Variants in LRMDA observed in about 807,000 individuals in gnomAD.
LRMDA encodes the protein leucine rich melanocyte differentiation associated.
In LRMDA, 18 loss-of-function variants were observed where a neutral mutation model predicts 29.8. That is an observed-to-expected ratio of 0.60 (90% CI 0.42 to 0.90). LRMDA has a LOEUF of 0.90. LRMDA is among the 40% of genes least tolerant of loss of function. The pLI, the probability that LRMDA is intolerant of heterozygous loss-of-function variation, is 0.00. For synonymous variants in LRMDA, 125 were observed against 109.4 expected (o/e 1.14, Z -0.89); for missense variants, 273 against 273.9 (o/e 1.00, Z 0.02).
intron 5 of LRMDA, among the ~76,000 whole-genome samples, chr10:76,297,399 A>G (rs1014064740): frequency 6.6e-6 from 1 of 152,232 alleles, no homozygotes; most frequent in African/African-American, 2.4e-5. Context: ...GTAAAGGCCT[A>G]GATTCCGCAA....
chr10:76,013,662 G>A (rs1847824652), intron 2 of LRMDA, among the ~76,000 whole-genome samples: 1 of 151,970 alleles, frequency 6.6e-6, no homozygotes, highest in Admixed American at 6.6e-5. Context: ...AGTAGGGCAG[G>A]GACAGAGGGA....
At chr10:75,821,572 A>G (rs958417079) in intron 2 of LRMDA, among the ~76,000 whole-genome samples, 5 of 152,148 alleles carry the variant, frequency 3.3e-5, no homozygotes, top group African/African-American at 9.7e-5. Flanking sequence ...GATTGAGACC[A>G]TCCTGGCTAA....
At chr10:75,708,434 C>T (rs987911642) in intron 2 of LRMDA, among the ~76,000 whole-genome samples, 3 of 152,038 alleles carry the variant, frequency 2.0e-5, no homozygotes, top group Non-Finnish European at 2.9e-5. Context: ...CACCATTTTC[C>T]GGGTTTGTGG....
At chr10:75,952,502 T>C (rs1846593696) in intron 2 of LRMDA, among the ~76,000 whole-genome samples, 2 of 152,124 alleles carry the variant, frequency 1.3e-5, no homozygotes, top group African/African-American at 4.8e-5. Context: ...TCCCACTCTC[T>C]CTCTCTCTGA....
At chr10:75,526,071 C>G (rs1448173136) in intron 2 of LRMDA, among the ~76,000 whole-genome samples, 1 of 150,938 alleles carries the variant, frequency 6.6e-6, no homozygotes, top group East Asian at 1.9e-4. Context: ...TTATTATTTT[C>G]ATTTCTTTTT....
chr10:76,222,168 A>G (rs1318709265), intron 5 of LRMDA, among the ~76,000 whole-genome samples: 3 of 152,152 alleles, frequency 2.0e-5, no homozygotes, highest in East Asian at 1.9e-4. Context: ...TAAAAACCCT[A>G]GAAGAAAACC....
At chr10:76,350,148 C>T (rs1841157118) in intron 6 of LRMDA, among the ~76,000 whole-genome samples, 1 of 149,126 alleles carries the variant, frequency 6.7e-6, no homozygotes, top group Non-Finnish European at 1.5e-5. Context: ...ACTCAAAATG[C>T]AGGTAGGTGG....
intron 5 of LRMDA, among the ~76,000 whole-genome samples, chr10:76,071,928 G>A (rs1848882041): frequency 6.6e-6 from 1 of 152,106 alleles, no homozygotes; most frequent in South Asian, 2.1e-4. Flanking sequence ...TAATAAAATA[G>A]CATTAAGTTT....
chr10:76,410,107 A>C (rs1201339986), intron 6 of LRMDA, among the ~76,000 whole-genome samples: 1 of 151,978 alleles, frequency 6.6e-6, no homozygotes, highest in Admixed American at 6.6e-5. Context: ...AGAGGCATGG[A>C]ATGTTGAAGG....
At chr10:76,059,399 T>C (rs1848668718) in intron 5 of LRMDA, among the ~76,000 whole-genome samples, 1 of 152,224 alleles carries the variant, frequency 6.6e-6, no homozygotes, top group African/African-American at 2.4e-5. Context: ...ATGGCAGCTC[T>C]GATGAGGCAG....
chr10:75,487,786 C>T (rs867367956), intron 2 of LRMDA, among the ~76,000 whole-genome samples: 4 of 152,272 alleles, frequency 2.6e-5, no homozygotes, highest in South Asian at 2.1e-4. Flanking sequence ...TTTGCAGGGT[C>T]GGCCAAGCTC....
intron 2 of LRMDA, among the ~76,000 whole-genome samples, chr10:75,875,753 G>A (rs1403589082): frequency 6.6e-6 from 1 of 152,234 alleles, no homozygotes; most frequent in Non-Finnish European, 1.5e-5. Flanking sequence ...TTTAAAGAAA[G>A]AGAAAGGTCT....
chr10:76,403,688 G>A (rs1443557020), intron 6 of LRMDA, among the ~76,000 whole-genome samples: 1 of 152,132 alleles, frequency 6.6e-6, no homozygotes, highest in Non-Finnish European at 1.5e-5. Context: ...TCAGCTTGCT[G>A]TCAGCCAAGT....
chr10:76,192,330 C>T (rs905878348), intron 5 of LRMDA, among the ~76,000 whole-genome samples: 5 of 152,070 alleles, frequency 3.3e-5, no homozygotes, highest in Non-Finnish European at 7.4e-5. Context: ...GCAGATTGTC[C>T]CAACTGTCCA....
At chr10:76,501,163 G>A (rs537110683) in intron 6 of LRMDA, among the ~76,000 whole-genome samples, 1 of 33,784 alleles carries the variant, frequency 3.0e-5, no homozygotes, top group East Asian at 4.3e-4. Flanking sequence ...ATTTTGTTTA[G>A]GATTAGCCTG....
intron 2 of LRMDA, among the ~76,000 whole-genome samples, chr10:75,660,490 G>C (rs567741291): frequency 6.6e-6 from 1 of 152,144 alleles, no homozygotes; most frequent in Non-Finnish European, 1.5e-5. Context: ...ATCACAGGAC[G>C]GGGGGAGAAG....
chr10:75,582,919 A>C (rs918210434), intron 2 of LRMDA, among the ~76,000 whole-genome samples: 1 of 152,180 alleles, frequency 6.6e-6, no homozygotes, highest in Non-Finnish European at 1.5e-5. Flanking sequence ...CATCACTCTC[A>C]ACATCCTTAG....
chr10:75,557,644 A>G (rs547782654), intron 2 of LRMDA, among the ~76,000 whole-genome samples: 7 of 152,292 alleles, frequency 4.6e-5, no homozygotes, highest in East Asian at 1.9e-4. Flanking sequence ...GAGAGCCACA[A>G]CTGGCTCTCC....
intron 6 of LRMDA, among the ~76,000 whole-genome samples, chr10:76,437,813 A>G (rs112452474): frequency 4.6e-5 from 7 of 152,062 alleles, no homozygotes; most frequent in Non-Finnish European, 1.0e-4. Context: ...TCTTCCACCA[A>G]CCTAAGGGAT....
Sources: gnomAD v4.1 joint callset for allele counts (sites outside exome capture counted in the v4.1 genomes callset) on GRCh38, gnomAD v4.1.1 for gene constraint, MANE v1.5 for transcripts, NCBI Gene and HGNC (gene_info 2026-07-23, HGNC 2026-07-21) for gene names.